SDAD1: variants seen among roughly 807,000 people sequenced by gnomAD.
SDAD1 encodes the protein protein SDA1 homolog.
A neutral mutation model predicts 100.3 loss-of-function variants in SDAD1; 79 were observed. The observed-to-expected ratio is 0.79, with a 90% CI of 0.66 to 0.95. SDAD1 has a LOEUF of 0.95. SDAD1 is among the 40% of genes least tolerant of loss of function. SDAD1 has a pLI of 0.00. For synonymous variants in SDAD1, 267 were observed against 271.4 expected, an observed-to-expected ratio of 0.98 and a Z score of 0.16; for missense variants, 790 against 810.9, an observed-to-expected ratio of 0.97 and a Z score of 0.31.
intron 3 of SDAD1, among the ~76,000 whole-genome samples, chr4:75,980,065 A>G (rs1730410968): frequency 6.6e-6 from 1 of 152,184 alleles, no homozygotes; most frequent in African/African-American, 2.4e-5. Context: ...AAACTTAAAG[A>G]AATCCTAATT....
intron 16 of SDAD1, among the ~76,000 whole-genome samples, 198 bp from the exon 17 acceptor site, chr4:75,960,390 C>T (rs568798706): frequency 2.6e-5 from 4 of 152,150 alleles, no homozygotes; most frequent in Non-Finnish European, 5.9e-5. Flanking sequence ...GATCCACCCA[C>T]CTCAGCCTCC....
chr4:75,989,668 A>G (rs1731117920), intron 1 of SDAD1, among the ~76,000 whole-genome samples: 1 of 152,240 alleles, frequency 6.6e-6, no homozygotes, highest in Non-Finnish European at 1.5e-5. Context: ...TAGACTCTCA[A>G]CTTACCACTT....
Position 75,963,033 on chromosome 4 carries a change from A to G in SDAD1, c.1181+1102T>C, listed in dbSNP as rs1400772486. ...GGGTTTTTATGGTTTTAGGCCTAACATTTAAGTCTTTAATCCATCTTGAAT... is the reference window on the plus strand; with the variant it reads ...GGGTTTTTATGGTTTTAGGCCTAACGTTTAAGTCTTTAATCCATCTTGAAT... On this transcript the variant is annotated intron_variant, in intron 14 of 21. Transcript: ENST00000356260. 3.9e-5 allele frequency among the ~76,000 whole-genome samples: 6 copies of G among 152,276 alleles called. No homozygotes were observed. The East Asian group carries it at 1.2e-3, about 29-fold the overall frequency.
At chr4:75,961,339 C>A (rs373422780) in intron 14 of SDAD1, 31 bp from the exon 15 acceptor site, 3 of 1,497,876 alleles carry the variant, frequency 2.0e-6, no homozygotes, top group Non-Finnish European at 2.8e-6. Context: ...TTTAAAAGAG[C>A]CCGAATAGCA....
At position 75,971,929 on chromosome 4, in the gene SDAD1, C is replaced by T. The variant is rs114287893; in HGVS notation, c.712-471G>A. On this transcript the variant is annotated intron_variant, in intron 8 of 21. Coordinates refer to ENST00000356260, the MANE Select transcript of SDAD1 (RefSeq NM_018115.4). ...AAACAGGTACATACAAAGATTTTCA[C>T]TGTAGCACTATTTTTTTTTTTTTTT... is the stretch of plus-strand genomic sequence containing the variant. Among the ~76,000 whole-genome samples the T allele has an allele frequency of 6.7e-3, 995 of 147,558 alleles. 5 individuals carry two copies. The highest frequency in any genetic ancestry group is 0.011 in the Non-Finnish European group (770 of 67,412).
chr4:75,973,979 A>C, intron 7 of SDAD1, 97 bp downstream of exon 7: 2 of 960,476 alleles, frequency 2.1e-6, no homozygotes, highest in Non-Finnish European at 3.3e-6. Flanking sequence ...CCTGGTGTGC[A>C]GGCATGCAGT....
At position 75,978,982 on chromosome 4, in the gene SDAD1, G is replaced by GAAAAAAAAAAAAA. The variant is rs538009004; in HGVS notation, c.295-1239_295-1227dup. Among the ~76,000 whole-genome samples the GAAAAAAAAAAAAA allele has an allele frequency of 2.1e-3, 80 of 38,066 alleles. 9 individuals are homozygous for GAAAAAAAAAAAAA. The highest frequency in any genetic ancestry group is 0.012 in the East Asian group (7 of 596). 25.0% of individuals were successfully genotyped at this position (38,066 alleles called of 152,430 possible). A position where few individuals can be genotyped will look rare whatever the true frequency, so the allele number is the denominator to read the frequency against. ...CAGCTGAGTGACAGACCCTGTCTCA[G>GAAAAAAAAAAAAA]AAAAAAAAAAAAAAAAAAAAAAAAA... On this transcript the variant is annotated intron_variant, in intron 3 of 21. Transcript: ENST00000356260.
intron 14 of SDAD1, among the ~76,000 whole-genome samples, chr4:75,962,765 T>C (rs1487617114): frequency 6.6e-6 from 1 of 152,232 alleles, no homozygotes; most frequent in African/African-American, 2.4e-5. Flanking sequence ...TAAATTTGTT[T>C]AAGGTCTTTG....
intron 4 of SDAD1, 77 bp downstream of exon 4, chr4:75,977,569 C>T: frequency 1.1e-6 from 1 of 881,556 alleles, no homozygotes; most frequent in Non-Finnish European, 1.9e-6. Context: ...CAATGTAAAG[C>T]ATCGATAATT....
chr4:75,957,446 G>C (rs1242256798), intron 19 of SDAD1, 37 bp from the exon 20 acceptor site: 1 of 1,610,186 alleles, frequency 6.2e-7, no homozygotes, highest in Non-Finnish European at 8.5e-7. Context: ...AAACAAGAAT[G>C]GAATTCTGTT....
chr4:75,957,494 A>G, intron 19 of SDAD1, 24 bp downstream of exon 19: 1 of 1,612,644 alleles, frequency 6.2e-7, no homozygotes, highest in Non-Finnish European at 8.5e-7. Flanking sequence ...TGACTGAAGT[A>G]CTAAAGTGGA....
At chr4:75,975,645 A>C (rs1560550000) in intron 6 of SDAD1, 99 bp downstream of exon 6, 1 of 764,066 alleles carries the variant, frequency 1.3e-6, no homozygotes, top group Non-Finnish European at 2.2e-6. Context: ...AAGTATATTA[A>C]AGAGCTCAAG....
At position 75,969,416 on chromosome 4, in the gene SDAD1, G is replaced by A; in HGVS notation, c.884-17C>T. 2 of 1,555,530 alleles carry A rather than the reference G, an allele frequency of 1.3e-6. No homozygotes were observed. Among genetic ancestry groups the A allele is most frequent in the Non-Finnish European group, 1.8e-6 (2 of 1,127,760 alleles). On this transcript the variant is annotated splice_polypyrimidine_tract_variant and intron_variant, in intron 10 of 21. Coordinates refer to ENST00000356260, the MANE Select transcript of SDAD1 (RefSeq NM_018115.4). ...CCGCAAAATCTGGCAAGGAGAGGAT[G>A]AAAGAAGTACATTGTGAGTCTATGG... is the stretch of plus-strand genomic sequence containing the variant.
intron 21 of SDAD1, among the ~76,000 whole-genome samples, chr4:75,951,348 G>A (rs941550020): frequency 6.6e-6 from 1 of 152,128 alleles, no homozygotes; most frequent in African/African-American, 2.4e-5. Context: ...ACCTTACTAA[G>A]AAAATGTTCT....
intron 21 of SDAD1, among the ~76,000 whole-genome samples, chr4:75,954,504 C>T (rs1481546494): frequency 1.3e-5 from 2 of 152,078 alleles, no homozygotes; most frequent in Non-Finnish European, 1.5e-5. Flanking sequence ...AAAACCCCAT[C>T]TCTACAAAAA....
At chr4:75,990,504 G>A (rs1416857773) in intron 1 of SDAD1, among the ~76,000 whole-genome samples, 1 of 152,166 alleles carries the variant, frequency 6.6e-6, no homozygotes, top group Non-Finnish European at 1.5e-5. Flanking sequence ...ACAAAATGAG[G>A]TTTTAAAGGT....
chr4:75,956,661 C>A (rs1004731008), intron 20 of SDAD1, among the ~76,000 whole-genome samples: 1 of 152,192 alleles, frequency 6.6e-6, no homozygotes, highest in Non-Finnish European at 1.5e-5. Flanking sequence ...CCAACTGGCT[C>A]TGGCTTTTCA....
chr4:75,969,949 C>T (rs192289747), intron 10 of SDAD1, among the ~76,000 whole-genome samples: 323 of 151,016 alleles, frequency 2.1e-3, no homozygotes, highest in Non-Finnish European at 2.7e-3. Context: ...CTAGTGTTCT[C>T]GAACAAGGTT....
chr4:75,984,778 A>AAACACACACACACACAC (rs1730780809), intron 1 of SDAD1, among the ~76,000 whole-genome samples: 3 of 136,928 alleles, frequency 2.2e-5, no homozygotes, highest in East Asian at 2.2e-4. Flanking sequence ...CACACACACA[A>AAACACACACACACACAC]ACACACACAC....
Sources: allele counts gnomAD v4.1 joint callset (sites outside exome capture counted in the v4.1 genomes callset), GRCh38; gene constraint gnomAD v4.1.1; transcripts MANE v1.5; gene names NCBI Gene and HGNC (gene_info 2026-07-23, HGNC 2026-07-21).